PHEX: variants seen among roughly 807,000 people sequenced by gnomAD.
PHEX encodes the protein phosphate-regulating neutral endopeptidase PHEX.
A neutral mutation model predicts 68.0 loss-of-function variants in PHEX; 16 were observed. That is an observed-to-expected ratio of 0.24 (90% confidence interval 0.16 to 0.36). The LOEUF is 0.36. PHEX is among the 10% of genes least tolerant of loss of function. The probability of loss-of-function intolerance (pLI) is 1.00; values close to 1 mark genes in which losing one functional copy is unlikely to be tolerated. For missense variants in PHEX, 480 were observed against 575.5 expected (o/e 0.83, Z 1.70); for synonymous variants, 208 against 205.1 (o/e 1.01, Z -0.12).
intron 12 of PHEX, among the ~76,000 whole-genome samples, chrX:22,142,470 T>G (rs1377926905): frequency 8.9e-6 from 1 of 112,259 alleles, no homozygotes; most frequent in East Asian, 2.8e-4. Flanking sequence ...ACTCTTTCCT[T>G]CAGTATATCA....
intron 3 of PHEX, among the ~76,000 whole-genome samples, chrX:22,048,712 T>C (rs765896013): frequency 8.9e-6 from 1 of 112,206 alleles, no homozygotes; most frequent in African/African-American, 3.2e-5. Context: ...GAGGGTACTG[T>C]CTACAGGCTC....
At position 22,058,303 on chromosome X, in the gene PHEX, G is replaced by A. The variant is rs183398464; in HGVS notation, c.349+11092G>A. 8.6e-4 allele frequency among the ~76,000 whole-genome samples: 96 copies of A among 112,225 alleles called. 1 individual carries two copies. The highest frequency in any genetic ancestry group is 2.9e-3 in the African/African-American group (89 of 30,980). On this transcript the variant is annotated intron_variant, in intron 3 of 21. Coordinates refer to ENST00000379374, the MANE Select transcript of PHEX (RefSeq NM_000444.6). The stretch of plus-strand genomic sequence containing the variant: ...CTGTTGGACAAATCCAATGAGATGC[G>A]TAGAAAGTCTTCTACACATGGTTCA...
At chrX:22,078,283 C>T (rs1929248595) in intron 5 of PHEX, among the ~76,000 whole-genome samples, 1 of 112,080 alleles carries the variant, frequency 8.9e-6, no homozygotes, top group Non-Finnish European at 1.9e-5. Flanking sequence ...TGGACATACC[C>T]TGAGGCATTT....
chrX:22,114,246 G>A (rs760408378), intron 10 of PHEX, among the ~76,000 whole-genome samples: 4 of 110,700 alleles, frequency 3.6e-5, no homozygotes, highest in South Asian at 3.8e-4. Flanking sequence ...CACTTTGACC[G>A]GCCTAAAACA....
intron 12 of PHEX, among the ~76,000 whole-genome samples, chrX:22,141,532 T>A (rs1932459194): frequency 9.0e-6 from 1 of 110,729 alleles, no homozygotes; most frequent in African/African-American, 3.3e-5. Context: ...TCACAGGAAC[T>A]GTTGTTAAGC....
intron 3 of PHEX, among the ~76,000 whole-genome samples, chrX:22,070,885 T>C (rs1766389102): frequency 8.9e-6 from 1 of 112,189 alleles, no homozygotes; most frequent in South Asian, 3.7e-4. Flanking sequence ...AGGTTCTTGG[T>C]AGGTTTTTGC....
At chrX:22,178,110 A>G (rs947741943) in intron 13 of PHEX, among the ~76,000 whole-genome samples, 163 bp from the exon 14 acceptor site, 2 of 112,358 alleles carry the variant, frequency 1.8e-5, no homozygotes, top group Non-Finnish European at 3.8e-5. Flanking sequence ...CACTGAGACT[A>G]AATTTCATGG....
chrX:22,056,693 G>C (rs12009963), intron 3 of PHEX, among the ~76,000 whole-genome samples: 4,812 of 107,935 alleles, frequency 0.045, 279 homozygotes, highest in African/African-American at 0.15. Context: ...CCCAGCTACT[G>C]GGAGGTTGCA....
At chrX:22,135,796 A>C (rs1299355835) in intron 12 of PHEX, among the ~76,000 whole-genome samples, 1 of 111,915 alleles carries the variant, frequency 8.9e-6, no homozygotes, top group Non-Finnish European at 1.9e-5. Context: ...TTTTTCTTCT[A>C]AAAGCGTTCT....
In PHEX at chrX:22,137,654, T is replaced by A. The variant is rs758863726; in HGVS notation, c.1404+4030T>A. 7.2e-5 allele frequency among the ~76,000 whole-genome samples: 8 copies of A among 111,053 alleles called. No homozygotes were observed. In the South Asian group the frequency reaches 3.1e-3, roughly 43 times the overall value. ...GGTTCCAGACCAGTAGCAGCAGTGG[T>A]CCCTGGGAACTCATTAGAGATGCAA... On this transcript the variant is annotated intron_variant, in intron 12 of 21. Coordinates refer to ENST00000379374, the MANE Select transcript of PHEX (RefSeq NM_000444.6).
intron 10 of PHEX, among the ~76,000 whole-genome samples, chrX:22,113,007 G>T (rs1302517306): frequency 9.4e-5 from 3 of 31,820 alleles, no homozygotes; most frequent in East Asian, 9.1e-4. Flanking sequence ...AGTAGGTTTT[G>T]TGTGTGTGTG....
chrX:22,193,258 T>C (rs939788780), intron 15 of PHEX, among the ~76,000 whole-genome samples: 1 of 111,111 alleles, frequency 9.0e-6, no homozygotes, highest in Non-Finnish European at 1.9e-5. Flanking sequence ...TAAAAACGTT[T>C]TATTGTCTAA....
At chrX:22,183,020 A>G (rs1428825828) in intron 14 of PHEX, among the ~76,000 whole-genome samples, 1 of 111,916 alleles carries the variant, frequency 8.9e-6, no homozygotes, top group Non-Finnish European at 1.9e-5. Context: ...TTTTGTAGAA[A>G]TGATTTGTCA....
At position 22,093,900 on chromosome X, in the gene PHEX, G is replaced by T. The variant is rs1311537867; in HGVS notation, c.733-83G>T. On this transcript the variant is annotated intron_variant, in intron 6 of 21. Coordinates refer to ENST00000379374, the MANE Select transcript of PHEX (RefSeq NM_000444.6). ...AAATAAAAGACATTTATTTCTACCTGCTATTTTCTGCTCTTCCATGTCTCT... is the reference window on the plus strand; with the variant it reads ...AAATAAAAGACATTTATTTCTACCTTCTATTTTCTGCTCTTCCATGTCTCT... The T allele has an allele frequency of 6.8e-6, 4 of 584,863 alleles. No homozygotes were observed. In the African/African-American group the frequency reaches 8.9e-5, roughly 13 times the overall value. The allele number at this position is 584,863 out of a possible 1,213,427, so 48.2% of individuals were successfully genotyped here. A position where few individuals can be genotyped will look rare whatever the true frequency, so the allele number is the denominator to read the frequency against.
At chrX:22,217,353 CA>C (rs1935127769) in intron 16 of PHEX, among the ~76,000 whole-genome samples, 1 of 112,010 alleles carries the variant, frequency 8.9e-6, no homozygotes, top group African/African-American at 3.2e-5. Context: ...AGCATTTTTT[CA>C]AATGCAAATT....
Position 22,106,876 on chromosome X carries a change from G to A in PHEX, c.1080-4591G>A, listed in dbSNP as rs150947150. ...TTAGAGTTAGACACACCTGGGTCTG[G>A]TCCGGCCTCCATTGCTTATTACAGT... On this transcript the variant is annotated intron_variant, in intron 9 of 21. Transcript: ENST00000379374. Among the ~76,000 whole-genome samples the A allele has an allele frequency of 6.7e-3, 738 of 110,712 alleles. 1 individual carries two copies. Among genetic ancestry groups the A allele is most frequent in the Middle Eastern group, 0.014 (3 of 213 alleles).
At chrX:22,092,082 C>T (rs769263103) in intron 6 of PHEX, among the ~76,000 whole-genome samples, 1 of 111,830 alleles carries the variant, frequency 8.9e-6, no homozygotes, top group East Asian at 2.8e-4. Flanking sequence ...TCACCCACCT[C>T]ACAGGACCCT....
chrX:22,226,599 G>T (rs1327201610), intron 19 of PHEX, 91 bp downstream of exon 19: 2 of 692,644 alleles, frequency 2.9e-6, no homozygotes, highest in Non-Finnish European at 4.7e-6. Flanking sequence ...CCATGTTCTT[G>T]AGGAGTTAGT....
intron 20 of PHEX, among the ~76,000 whole-genome samples, chrX:22,236,845 GATAAA>G (rs1290413115): frequency 3.6e-5 from 4 of 112,470 alleles, no homozygotes; most frequent in African/African-American, 6.5e-5. Flanking sequence ...TCTCTTTGTA[GATAAA>G]ATAAACTAAT....
Sources: gnomAD v4.1 joint callset for allele counts (sites outside exome capture counted in the v4.1 genomes callset) on GRCh38, gnomAD v4.1.1 for gene constraint, MANE v1.5 for transcripts, NCBI Gene and HGNC (gene_info 2026-07-23, HGNC 2026-07-21) for gene names.